P2RY8: variants seen among roughly 807,000 people sequenced by gnomAD.
P2RY8 encodes S-geranylgeranyl-glutathione receptor P2RY8.
In P2RY8, 6 loss-of-function variants were observed where a neutral mutation model predicts 10.0. That is an observed-to-expected ratio of 0.60 (90% confidence interval 0.33 to 1.19). P2RY8 has a LOEUF of 1.19. Among genes scored for constraint, P2RY8 ranks in the 50% most tolerant of loss-of-function variants. The pLI, the probability that P2RY8 is intolerant of heterozygous loss-of-function variation, is 0.04. For synonymous variants in P2RY8, 276 were observed against 252.5 expected (o/e 1.09, Z -0.88); for missense variants, 456 against 542.0 (o/e 0.84, Z 1.58).
intron 1 of P2RY8, among the ~76,000 whole-genome samples, chrX:1,493,410 GGA>G (rs747297712): frequency 0.35 from 14,372 of 40,674 alleles, 2,265 homozygotes; most frequent in East Asian, 0.57. Context: ...GGAGGAAGGA[GGA>G]GGAAGGAGGA....
At chrX:1,526,602 C>T (rs2092441979) in intron 1 of P2RY8, among the ~76,000 whole-genome samples, 1 of 151,754 alleles carries the variant, frequency 6.6e-6, no homozygotes, top group African/African-American at 2.4e-5. Flanking sequence ...AATCATTCAC[C>T]CATTTATTCA....
intron 1 of P2RY8, among the ~76,000 whole-genome samples, chrX:1,484,586 G>C (rs1283773279): frequency 6.6e-6 from 1 of 151,548 alleles, no homozygotes; most frequent in Non-Finnish European, 1.5e-5. Flanking sequence ...AAATTAGCCG[G>C]GTGTCATGGC....
At chrX:1,484,502 G>A (rs1201023778) in intron 1 of P2RY8, among the ~76,000 whole-genome samples, 4 of 151,816 alleles carry the variant, frequency 2.6e-5, no homozygotes, top group African/African-American at 7.2e-5. Flanking sequence ...TGAGGCGGGC[G>A]GATCATGAGG....
intron 1 of P2RY8, among the ~76,000 whole-genome samples, chrX:1,505,472 T>A (rs2092223760): frequency 6.6e-6 from 1 of 152,080 alleles, no homozygotes; most frequent in South Asian, 2.1e-4. Flanking sequence ...TGCAGACAAC[T>A]GAAGATGAAG....
intron 1 of P2RY8, among the ~76,000 whole-genome samples, chrX:1,520,954 A>G (rs2092385744): frequency 6.6e-6 from 1 of 150,756 alleles, no homozygotes; most frequent in Non-Finnish European, 1.5e-5. Flanking sequence ...CTGGTCCCCA[A>G]TCACCTCTTT....
chrX:1,507,683 C>A (rs1260571092), intron 1 of P2RY8, among the ~76,000 whole-genome samples: 1 of 152,142 alleles, frequency 6.6e-6, no homozygotes, highest in Non-Finnish European at 1.5e-5. Context: ...TTTCCGCCCC[C>A]CTGCCTGACT....
chrX:1,502,069 T>C (rs28612900), intron 1 of P2RY8, among the ~76,000 whole-genome samples: 107,263 of 151,792 alleles, frequency 0.71, 38,414 homozygotes, highest in East Asian at 1. Context: ...TGCCACCACA[T>C]CCAGCTCATT....
In P2RY8 at chrX:1,469,234, G is replaced by A. The variant is rs186203538; in HGVS notation, c.-24-2652C>T. Among the ~76,000 whole-genome samples, 740 of 146,588 alleles carry A rather than the reference G, an allele frequency of 5.0e-3. 6 individuals carry two copies. The highest frequency in any genetic ancestry group is 6.5e-3 in the Non-Finnish European group (435 of 66,988). On this transcript the variant is annotated intron_variant, in intron 1 of 1. Coordinates refer to ENST00000381297, the MANE Select transcript of P2RY8 (RefSeq NM_178129.5). Reference sequence around the variant, plus strand: ...GCTGGAATGCAATGGCGTGATCTCGGCTCACTGCAACCTCTGTCTCCCTGC... The same window carrying A: ...GCTGGAATGCAATGGCGTGATCTCGACTCACTGCAACCTCTGTCTCCCTGC...
intron 1 of P2RY8, among the ~76,000 whole-genome samples, chrX:1,524,758 C>T (rs2092426478): frequency 3.1e-5 from 3 of 97,862 alleles, no homozygotes; most frequent in African/African-American, 6.5e-5. Context: ...TCCATCCATC[C>T]ATCCATCCAT....
chrX:1,477,929 G>C (rs1191752094), intron 1 of P2RY8, among the ~76,000 whole-genome samples: 1 of 152,188 alleles, frequency 6.6e-6, no homozygotes, highest in African/African-American at 2.4e-5. Flanking sequence ...ATCATGGTTA[G>C]TGACCAGCTG....
intron 1 of P2RY8, among the ~76,000 whole-genome samples, chrX:1,498,620 C>T (rs1406002962): frequency 1.3e-5 from 2 of 150,638 alleles, no homozygotes; most frequent in Non-Finnish European, 3.0e-5. Flanking sequence ...CAGGTTCAAG[C>T]GATTCTCCTG....
chrX:1,517,136 G>T (rs2092356973), intron 1 of P2RY8, among the ~76,000 whole-genome samples: 1 of 151,108 alleles, frequency 6.6e-6, no homozygotes, highest in African/African-American at 2.4e-5. Context: ...CAGCCTCCAG[G>T]GCTGTGGGAG....
At chrX:1,526,164 T>C (rs1297871951) in intron 1 of P2RY8, among the ~76,000 whole-genome samples, 1 of 151,668 alleles carries the variant, frequency 6.6e-6, no homozygotes, top group Non-Finnish European at 1.5e-5. Context: ...CATTCATTCA[T>C]TCATTCATCC....
chrX:1,471,840 A>G (rs1433766498), intron 1 of P2RY8, among the ~76,000 whole-genome samples: 1 of 151,368 alleles, frequency 6.6e-6, no homozygotes, highest in East Asian at 1.9e-4. Flanking sequence ...GGCTATAACC[A>G]CCCCTCTTTC....
At chrX:1,536,423 A>G (rs2092527627) in intron 1 of P2RY8, among the ~76,000 whole-genome samples, 1 of 151,898 alleles carries the variant, frequency 6.6e-6, no homozygotes, top group Non-Finnish European at 1.5e-5. Context: ...CACCAAGCCC[A>G]GCTAATTTTT....
intron 1 of P2RY8, among the ~76,000 whole-genome samples, chrX:1,532,161 C>T (rs2092479808): frequency 6.6e-6 from 1 of 151,992 alleles, no homozygotes; most frequent in South Asian, 2.1e-4. Context: ...TATAGCAGCA[C>T]AATTTGCAAT....
At chrX:1,471,481 A>C (rs1434307019) in intron 1 of P2RY8, among the ~76,000 whole-genome samples, 1 of 144,916 alleles carries the variant, frequency 6.9e-6, no homozygotes. Context: ...TTTTTTTAAT[A>C]ATTTTAGTAG....
Position 1,466,535 on chromosome X carries a change from G to C in P2RY8, c.24C>G (p.Gly8=). Reference sequence around the variant, plus strand: ...GCATCTGCAGCGTCGCGTTGTCCGGGCCGGTGCTGTTCGGGACCTGCATCC... The same window carrying C: ...GCATCTGCAGCGTCGCGTTGTCCGGCCCGGTGCTGTTCGGGACCTGCATCC... MQVPNST[G]PDNATLQMLR... Residue 8 remains glycine, a synonymous_variant, in exon 2 of 2, where the codon GGC becomes GGG. Transcript: ENST00000381297. The C allele has an allele frequency of 3.1e-6, 5 of 1,608,304 alleles. No homozygotes were observed. Among genetic ancestry groups the C allele is most frequent in the Non-Finnish European group, 4.2e-6 (5 of 1,179,196 alleles).
intron 1 of P2RY8, among the ~76,000 whole-genome samples, chrX:1,536,594 A>G (rs1451237202): frequency 2.6e-5 from 4 of 152,076 alleles, no homozygotes; most frequent in Admixed American, 1.3e-4. Context: ...ACGGGGTTTC[A>G]CCGTGTTAGC....
Sources: allele counts gnomAD v4.1 joint callset (sites outside exome capture counted in the v4.1 genomes callset), GRCh38; gene constraint gnomAD v4.1.1; transcripts MANE v1.5; gene names NCBI Gene and HGNC (gene_info 2026-07-23, HGNC 2026-07-21).